The following LRP1B variants were observed in gnomAD, a reference collection of about 807,000 sequenced individuals.
LRP1B encodes LDL receptor related protein 1B.
A neutral mutation model predicts 556.6 loss-of-function variants in LRP1B; 217 were observed. The ratio of observed to expected loss-of-function variants is 0.39; its 90% CI spans 0.35 to 0.44. The LOEUF (loss-of-function observed/expected upper bound fraction) is 0.44. Among genes scored for constraint, LRP1B ranks in the 20% least tolerant of loss-of-function variants. The pLI, the probability that LRP1B is intolerant of heterozygous loss-of-function variation, is 1.00. For synonymous variants in LRP1B, 2,047 were observed against 1,865.8 expected, an observed-to-expected ratio of 1.10 and a Z score of -2.50; for missense variants, 5,053 against 5,620.8, an observed-to-expected ratio of 0.90 and a Z score of 3.23.
intron 37 of LRP1B, among the ~76,000 whole-genome samples, chr2:140,710,709 G>C (rs1035814713): frequency 6.6e-6 from 1 of 151,952 alleles, no homozygotes; most frequent in African/African-American, 2.4e-5. Flanking sequence ...AAGAAAAAAA[G>C]GAATTCTTGG....
At chr2:140,270,157 C>T (rs924037918) in intron 86 of LRP1B, 85 bp downstream of exon 86, 4 of 941,166 alleles carry the variant, frequency 4.3e-6, no homozygotes, top group South Asian at 2.7e-5. Flanking sequence ...TAAAATTACC[C>T]CAGAAAAGGA....
chr2:141,019,521 ACGTC>A (rs1246681705), intron 12 of LRP1B, among the ~76,000 whole-genome samples: 6 of 152,070 alleles, frequency 3.9e-5, no homozygotes, highest in African/African-American at 7.2e-5. Context: ...ATTTAATAAA[ACGTC>A]TGACCTCTAG....
In LRP1B at chr2:140,523,360, T is replaced by C. The variant is rs114681296; in HGVS notation, c.8026+2484A>G. 1.8e-3 allele frequency among the ~76,000 whole-genome samples: 271 copies of C among 151,664 alleles called. 3 individuals are homozygous for C. Among genetic ancestry groups the C allele is most frequent in the African/African-American group, 6.2e-3 (258 of 41,422 alleles). On this transcript the variant is annotated intron_variant, in intron 49 of 90. Coordinates refer to ENST00000389484, the MANE Select transcript of LRP1B (RefSeq NM_018557.3). Reference sequence around the variant, plus strand: ...ATCCAATATCGCTTCATGATAACAATCCTCGACAAACTAGTCATGGAAAGA... The same window carrying C: ...ATCCAATATCGCTTCATGATAACAACCCTCGACAAACTAGTCATGGAAAGA...
At chr2:141,743,611 A>G (rs1475344568) in intron 2 of LRP1B, among the ~76,000 whole-genome samples, 1 of 150,194 alleles carries the variant, frequency 6.7e-6, no homozygotes, top group Non-Finnish European at 1.5e-5. Context: ...TCTTTGCTGG[A>G]AAACTTTTTA....
chr2:140,765,216 G>A (rs1021471063), intron 35 of LRP1B, among the ~76,000 whole-genome samples: 4 of 152,070 alleles, frequency 2.6e-5, no homozygotes, highest in Admixed American at 2.0e-4. Context: ...TTGCATCATT[G>A]AGTTGGATGA....
chr2:142,020,687 A>G (rs965046587), intron 1 of LRP1B, among the ~76,000 whole-genome samples: 17 of 152,066 alleles, frequency 1.1e-4, no homozygotes, highest in African/African-American at 4.1e-4. Context: ...CAGCTTGTGT[A>G]TGAAATAGAG....
chr2:141,069,935 T>G (rs1699588784), intron 7 of LRP1B, among the ~76,000 whole-genome samples: 1 of 151,072 alleles, frequency 6.6e-6, no homozygotes, highest in Non-Finnish European at 1.5e-5. Flanking sequence ...GTATATCTCC[T>G]AAAGCTATAC....
chr2:141,151,198 T>C (rs1468750073), intron 7 of LRP1B, among the ~76,000 whole-genome samples: 2 of 152,150 alleles, frequency 1.3e-5, no homozygotes, highest in African/African-American at 4.8e-5. Context: ...ATTGTAGTAA[T>C]TTAGGATCTT....
chr2:141,767,978 G>A (rs1025630900), intron 2 of LRP1B, among the ~76,000 whole-genome samples: 6 of 152,078 alleles, frequency 3.9e-5, no homozygotes, highest in Non-Finnish European at 8.8e-5. Context: ...CCCACAAGCC[G>A]GGAAACCATG....
At chr2:141,669,299 T>G (rs1185735487) in intron 2 of LRP1B, among the ~76,000 whole-genome samples, 1 of 152,140 alleles carries the variant, frequency 6.6e-6, no homozygotes, top group African/African-American at 2.4e-5. Flanking sequence ...AAGCAAAGAC[T>G]GCCACCTATA....
intron 2 of LRP1B, among the ~76,000 whole-genome samples, chr2:141,639,393 CATAT>C (rs1357208864): frequency 1.1e-4 from 4 of 36,434 alleles, no homozygotes; most frequent in East Asian, 4.9e-4. Flanking sequence ...TATATATACA[CATAT>C]ATATATATGT....
At chr2:141,904,658 C>T (rs1213143419) in intron 1 of LRP1B, among the ~76,000 whole-genome samples, 2 of 151,728 alleles carry the variant, frequency 1.3e-5, no homozygotes, top group African/African-American at 2.4e-5. Context: ...TAAATGGTAT[C>T]GCCTATGGAA....
intron 84 of LRP1B, among the ~76,000 whole-genome samples, chr2:140,284,141 C>T (rs748182389): frequency 1.3e-5 from 2 of 151,638 alleles, no homozygotes; most frequent in Non-Finnish European, 2.9e-5. Context: ...TTAATTTCAG[C>T]CTGATACAAT....
chr2:141,593,955 C>T (rs1343609804), intron 2 of LRP1B, among the ~76,000 whole-genome samples: 1 of 152,058 alleles, frequency 6.6e-6, no homozygotes, highest in Non-Finnish European at 1.5e-5. Flanking sequence ...AACTCATCTT[C>T]CTGCTTGGCA....
chr2:141,293,902 A>G (rs1234438964), intron 3 of LRP1B, among the ~76,000 whole-genome samples: 7 of 152,170 alleles, frequency 4.6e-5, no homozygotes, highest in Admixed American at 2.6e-4. Context: ...AAATAGAACA[A>G]TTGGAAAGCA....
chr2:142,036,942 T>TA (rs1398658329), intron 1 of LRP1B, among the ~76,000 whole-genome samples: 2 of 151,726 alleles, frequency 1.3e-5, no homozygotes, highest in Non-Finnish European at 3.0e-5. Flanking sequence ...CACAGATTTT[T>TA]AAAAAATTAT....
intron 77 of LRP1B, among the ~76,000 whole-genome samples, chr2:140,342,810 A>G (rs1200006958): frequency 6.6e-6 from 1 of 151,710 alleles, no homozygotes; most frequent in African/African-American, 2.4e-5. Flanking sequence ...ATACATCAGA[A>G]ACATAAATAT....
At chr2:140,364,875 T>A (rs1558831440) in intron 71 of LRP1B, 92 bp from the exon 72 acceptor site, 3 of 1,045,118 alleles carry the variant, frequency 2.9e-6, no homozygotes, top group Non-Finnish European at 4.2e-6. Context: ...GCAAACAGTA[T>A]CTAGTTGACT....
chr2:142,046,813 A>G (rs549464346), intron 1 of LRP1B, among the ~76,000 whole-genome samples: 2 of 152,150 alleles, frequency 1.3e-5, no homozygotes, highest in East Asian at 3.9e-4. Context: ...CAGCATCTGC[A>G]AAGTTTTGTC....
Sources: allele counts gnomAD v4.1 joint callset (sites outside exome capture counted in the v4.1 genomes callset), GRCh38; gene constraint gnomAD v4.1.1; transcripts MANE v1.5; gene names NCBI Gene and HGNC (gene_info 2026-07-23, HGNC 2026-07-21).